The following BMPER variants were observed in gnomAD, a reference collection of about 807,000 sequenced individuals.
The protein encoded by BMPER is BMP-binding endothelial regulator protein.
Under a neutral mutation model 87.3 loss-of-function variants are expected in BMPER, and 45 were observed. The ratio of observed to expected loss-of-function variants is 0.52; its 90% CI spans 0.41 to 0.66. BMPER has a LOEUF of 0.66. Among genes scored for constraint, BMPER ranks in the 30% least tolerant of loss-of-function variants. The pLI is 0.00. For missense variants in BMPER, 784 were observed against 867.5 expected, an observed-to-expected ratio of 0.90 and a Z score of 1.21; for synonymous variants, 326 against 316.2, an observed-to-expected ratio of 1.03 and a Z score of -0.33.
chr7:34,046,260 T>C, intron 6 of BMPER, 46 bp from the exon 7 acceptor site: 1 of 1,561,556 alleles, frequency 6.4e-7, no homozygotes, highest in Non-Finnish European at 8.8e-7. Context: ...ACAATCTACA[T>C]GCACTTACTT....
chr7:33,907,115 T>A (rs2128600401), intron 2 of BMPER, among the ~76,000 whole-genome samples: 1 of 152,294 alleles, frequency 6.6e-6, no homozygotes, highest in Middle Eastern at 3.4e-3. Context: ...TTCTTATCTT[T>A]GACATCATCC....
intron 13 of BMPER, among the ~76,000 whole-genome samples, chr7:34,134,402 C>A (rs542835052): frequency 9.1e-4 from 139 of 152,182 alleles, no homozygotes; most frequent in Admixed American, 3.0e-3. Context: ...CCAAGCTTCC[C>A]TCTCCCTGGC....
At chr7:34,033,833 A>C (rs1191258876) in intron 6 of BMPER, among the ~76,000 whole-genome samples, 1 of 152,234 alleles carries the variant, frequency 6.6e-6, no homozygotes, top group Non-Finnish European at 1.5e-5. Flanking sequence ...TGCAATATTT[A>C]GGGTACTTCT....
At chr7:34,030,347 C>T (rs1787488255) in intron 6 of BMPER, among the ~76,000 whole-genome samples, 1 of 152,060 alleles carries the variant, frequency 6.6e-6, no homozygotes, top group Admixed American at 6.6e-5. Flanking sequence ...CTTTATATCA[C>T]ACCAGAATAT....
intron 13 of BMPER, among the ~76,000 whole-genome samples, chr7:34,136,173 G>A (rs1410298648): frequency 6.6e-6 from 1 of 152,140 alleles, no homozygotes; most frequent in African/African-American, 2.4e-5. Context: ...GCTCCCTGCT[G>A]GCTGGCCCAG....
At chr7:33,939,635 G>A (rs185526492) in intron 3 of BMPER, among the ~76,000 whole-genome samples, 10 of 152,194 alleles carry the variant, frequency 6.6e-5, no homozygotes, top group African/African-American at 1.9e-4. Context: ...TGCTGTTCTC[G>A]TGCTGTTCAC....
intron 6 of BMPER, among the ~76,000 whole-genome samples, chr7:33,994,829 C>T (rs1322946022): frequency 6.6e-6 from 1 of 152,100 alleles, no homozygotes. Context: ...TTCCCACTCA[C>T]CTCTTTGGGA....
At chr7:33,965,933 A>G (rs1329097319) in intron 3 of BMPER, among the ~76,000 whole-genome samples, 1 of 152,234 alleles carries the variant, frequency 6.6e-6, no homozygotes, top group African/African-American at 2.4e-5. Flanking sequence ...ATAAAAAGTA[A>G]GTATGAAATT....
chr7:34,093,344 A>G (rs754732350), intron 13 of BMPER, among the ~76,000 whole-genome samples: 8 of 152,196 alleles, frequency 5.3e-5, no homozygotes, highest in African/African-American at 1.2e-4. Flanking sequence ...TGCCACCTGC[A>G]TGGATGATCT....
At chr7:33,970,127 G>A (rs184698338) in intron 4 of BMPER, among the ~76,000 whole-genome samples, 1 of 152,318 alleles carries the variant, frequency 6.6e-6, no homozygotes, top group East Asian at 1.9e-4. Context: ...AATAAGAGGT[G>A]ACAGATTTGC....
chr7:33,911,973 A>G (rs17170487), intron 2 of BMPER, among the ~76,000 whole-genome samples: 4,904 of 152,296 alleles, frequency 0.032, 273 homozygotes, highest in African/African-American at 0.11. Flanking sequence ...TTACGCATGA[A>G]CAAGGTTTGT....
At chr7:33,905,436 T>TCCCCCCCCCCCCCCCCCCCCCCCCC, upstream of BMPER, 5 of 20,338 alleles carry the variant, frequency 2.5e-4, no homozygotes, top group South Asian at 5.0e-4. Flanking sequence ...CACCTTGGTC[T>TCCCCCCCCCCCCCCCCCCCCCCCCC]CTCCCCCCGC....
intron 6 of BMPER, among the ~76,000 whole-genome samples, chr7:33,987,434 C>T (rs1256775040): frequency 1.3e-5 from 2 of 152,190 alleles, no homozygotes; most frequent in Admixed American, 6.5e-5. Context: ...ACATTCCCTT[C>T]TCAAGCCCAT....
At chr7:33,937,248 T>C (rs1214772512) in intron 2 of BMPER, 41 bp from the exon 3 acceptor site, 2 of 1,592,498 alleles carry the variant, frequency 1.3e-6, no homozygotes, top group Non-Finnish European at 1.7e-6. Context: ...GGAATTCTGT[T>C]TGATGTCTAT....
At chr7:34,140,813 C>G (rs536047751) in intron 13 of BMPER, among the ~76,000 whole-genome samples, 3 of 152,332 alleles carry the variant, frequency 2.0e-5, no homozygotes, top group South Asian at 4.1e-4. Context: ...TACAGAATTA[C>G]AGTAGACATT....
chr7:33,956,486 ACT>A (rs1305701014), intron 3 of BMPER, among the ~76,000 whole-genome samples: 2 of 152,138 alleles, frequency 1.3e-5, no homozygotes, highest in Non-Finnish European at 2.9e-5. Flanking sequence ...ATGGGTTTGA[ACT>A]CTGTGAGTCC....
At chr7:34,084,027 C>G (rs1410048178) in intron 12 of BMPER, among the ~76,000 whole-genome samples, 1 of 148,606 alleles carries the variant, frequency 6.7e-6, no homozygotes, top group Non-Finnish European at 1.5e-5. Context: ...AAAAAGGCCG[C>G]ATGCAGTGGC....
At chr7:33,966,361 G>C in intron 3 of BMPER, 118 bp from the exon 4 acceptor site, 1 of 837,778 alleles carries the variant, frequency 1.2e-6, no homozygotes, top group Non-Finnish European at 2.0e-6. Flanking sequence ...CAAAGAGCAT[G>C]GTGGTTCCTT....
intron 2 of BMPER, among the ~76,000 whole-genome samples, chr7:33,911,555 G>A (rs1449789110): frequency 6.6e-6 from 1 of 152,188 alleles, no homozygotes; most frequent in Non-Finnish European, 1.5e-5. Context: ...AATTTGGAGA[G>A]CTCTTCCAAG....
Sources: allele counts gnomAD v4.1 joint callset (sites outside exome capture counted in the v4.1 genomes callset), GRCh38; gene constraint gnomAD v4.1.1; transcripts MANE v1.5; gene names NCBI Gene and HGNC (gene_info 2026-07-23, HGNC 2026-07-21).